Variants in RPS6KA5 observed in about 807,000 individuals in gnomAD.
The protein encoded by RPS6KA5 is ribosomal protein S6 kinase alpha-5.
In RPS6KA5, 27 loss-of-function variants were observed where a neutral mutation model predicts 85.5. The observed-to-expected ratio is 0.32, with a 90% CI of 0.23 to 0.44. RPS6KA5 has a LOEUF of 0.44. Ranked by LOEUF, RPS6KA5 falls within the 20% of genes least tolerant of loss-of-function variation. The pLI is 1.00. For missense variants in RPS6KA5, 811 were observed against 980.9 expected (o/e 0.83, Z 2.31); for synonymous variants, 334 against 348.2 (o/e 0.96, Z 0.46).
chr14:90,859,578 T>A lies in RPS6KA5; in HGVS notation c.*12496A>T, dbSNP rs540832603. The A allele has an allele frequency of 1.9e-4, 29 of 152,244 alleles. No individual in the cohort carries two copies. Among genetic ancestry groups the A allele is most frequent in the Admixed American group, 5.2e-4 (8 of 15,288 alleles). The allele number at this position is 152,244 out of a possible 1,614,324, so 9.4% of individuals were successfully genotyped here. On this transcript the variant is annotated 3_prime_UTR_variant, in exon 17 of 17. Coordinates refer to ENST00000614987, the MANE Select transcript of RPS6KA5 (RefSeq NM_004755.4). ...CAACTAAATTTAAAATTGATTAGGC[T>A]CAGCAGAACAGGATAAGTTAATTAG...
chr14:90,906,819 C>T (rs1390309208), intron 7 of RPS6KA5, among the ~76,000 whole-genome samples: 1 of 151,976 alleles, frequency 6.6e-6, no homozygotes, highest in African/African-American at 2.4e-5. Flanking sequence ...TGGGGTCAGA[C>T]CCACTTGGAG....
chr14:90,890,854 A>G (rs889376710), intron 13 of RPS6KA5, among the ~76,000 whole-genome samples, 176 bp from the exon 14 acceptor site: 1 of 151,962 alleles, frequency 6.6e-6, no homozygotes, highest in African/African-American at 2.4e-5. Context: ...GCTTTTTGGT[A>G]TTATTTCAAT....
At chr14:90,926,934 C>T (rs2036707303) in intron 5 of RPS6KA5, among the ~76,000 whole-genome samples, 2 of 152,000 alleles carry the variant, frequency 1.3e-5, no homozygotes, top group African/African-American at 4.8e-5. Flanking sequence ...TAAATATAAA[C>T]AAGCACTGAA....
rs376535030 is a variant in RPS6KA5, at chr14:91,044,559, C to T, written c.103+15773G>A. Among the ~76,000 whole-genome samples, 7 of 152,178 alleles carry T rather than the reference C, an allele frequency of 4.6e-5. No individual in the cohort carries two copies. The South Asian group carries it at 1.5e-3, about 32-fold the overall frequency. On this transcript the variant is annotated intron_variant, in intron 1 of 16. Transcript: ENST00000614987. ...AAGTTAAAGTATGGAAAGGATTTGA[C>T]ACACTTTTACTGGATTAAAGATTGA...
chr14:90,927,705 T>C (rs767597220), intron 5 of RPS6KA5, among the ~76,000 whole-genome samples: 4 of 151,978 alleles, frequency 2.6e-5, no homozygotes, highest in Non-Finnish European at 5.9e-5. Context: ...TAAAAATATA[T>C]AAAATAAAAA....
At chr14:91,043,613 G>A (rs985630696) in intron 1 of RPS6KA5, among the ~76,000 whole-genome samples, 3 of 152,000 alleles carry the variant, frequency 2.0e-5, no homozygotes, top group African/African-American at 7.3e-5. Flanking sequence ...ATGAGTTGAT[G>A]AAAGCACCTA....
chr14:90,912,459 T>C (rs969241256), intron 7 of RPS6KA5, among the ~76,000 whole-genome samples: 4 of 152,174 alleles, frequency 2.6e-5, no homozygotes, highest in Non-Finnish European at 4.4e-5. Context: ...CACAGTAGCA[T>C]TGAGTCCCAG....
At chr14:91,011,679 C>T (rs1049059008) in intron 1 of RPS6KA5, among the ~76,000 whole-genome samples, 1 of 152,118 alleles carries the variant, frequency 6.6e-6, no homozygotes, top group Admixed American at 6.6e-5. Flanking sequence ...CCATTCTCAC[C>T]ATGGAAAGGT....
chr14:91,048,269 T>C (rs567532470), intron 1 of RPS6KA5, among the ~76,000 whole-genome samples: 24 of 152,348 alleles, frequency 1.6e-4, no homozygotes, highest in Middle Eastern at 3.4e-3. Flanking sequence ...GATATAATTA[T>C]TTTAAGTACC....
At chr14:90,908,921 C>A (rs1247572005) in intron 7 of RPS6KA5, among the ~76,000 whole-genome samples, 2 of 152,200 alleles carry the variant, frequency 1.3e-5, no homozygotes, top group Non-Finnish European at 2.9e-5. Context: ...CCCTTATTTT[C>A]ATCACCAATG....
chr14:90,891,264 C>T lies in RPS6KA5; in HGVS notation c.1645-586G>A, dbSNP rs548017282. Among the ~76,000 whole-genome samples, 6 of 150,544 alleles carry T rather than the reference C, an allele frequency of 4.0e-5. No homozygotes were observed. The South Asian group carries it at 1.3e-3, about 32-fold the overall frequency. ...TTGAACAAAGTCATAAATAAAATAGCTATATAATATCTAGTATTGCCTATT... is the reference window on the plus strand; with the variant it reads ...TTGAACAAAGTCATAAATAAAATAGTTATATAATATCTAGTATTGCCTATT... On this transcript the variant is annotated intron_variant, in intron 13 of 16. Coordinates refer to ENST00000614987, the MANE Select transcript of RPS6KA5 (RefSeq NM_004755.4).
At chr14:91,057,986 G>T (rs2043393056) in intron 1 of RPS6KA5, among the ~76,000 whole-genome samples, 1 of 152,078 alleles carries the variant, frequency 6.6e-6, no homozygotes, top group Admixed American at 6.6e-5. Context: ...TCATCCTATG[G>T]AATACAATAA....
chr14:90,875,408 A>C (rs758089232), intron 14 of RPS6KA5, 48 bp from the exon 15 acceptor site: 1 of 1,531,810 alleles, frequency 6.5e-7, no homozygotes, highest in South Asian at 1.2e-5. Context: ...AGATCTGTTA[A>C]AGCCACTCTA....
intron 7 of RPS6KA5, among the ~76,000 whole-genome samples, chr14:90,912,929 T>TTTTG (rs2035907839): frequency 7.0e-6 from 1 of 143,286 alleles, no homozygotes; most frequent in African/African-American, 2.8e-5. Context: ...TTTTTTTTTT[T>TTTTG]GGGTGGAGTC....
intron 6 of RPS6KA5, among the ~76,000 whole-genome samples, chr14:90,921,976 G>C (rs2036422203): frequency 6.6e-6 from 1 of 152,118 alleles, no homozygotes. Context: ...TAATTACTTA[G>C]AAAGTTTCTT....
At chr14:90,882,941 G>A (rs1377825550) in intron 14 of RPS6KA5, among the ~76,000 whole-genome samples, 2 of 152,028 alleles carry the variant, frequency 1.3e-5, no homozygotes, top group African/African-American at 4.8e-5. Context: ...GGGATTATAG[G>A]TGTGTGCCAC....
At chr14:90,962,310 T>G (rs1380243358) in intron 3 of RPS6KA5, among the ~76,000 whole-genome samples, 3 of 6,158 alleles carry the variant, frequency 4.9e-4, no homozygotes, top group African/African-American at 2.0e-3. Context: ...CTTGGCACAG[T>G]TTTTTTTTTT....
At chr14:90,875,082 C>G in intron 15 of RPS6KA5, 119 bp downstream of exon 15, 1 of 955,246 alleles carries the variant, frequency 1.0e-6, no homozygotes, top group Non-Finnish European at 1.6e-6. Context: ...AGCCTGGAAG[C>G]CTTTTAGAAT....
chr14:91,017,010 G>C (rs141997605), intron 1 of RPS6KA5, among the ~76,000 whole-genome samples: 2 of 152,230 alleles, frequency 1.3e-5, no homozygotes, highest in African/African-American at 4.8e-5. Flanking sequence ...TTTCCCACCT[G>C]TCATCCTATC....
Sources: allele counts gnomAD v4.1 joint callset (sites outside exome capture counted in the v4.1 genomes callset), GRCh38; gene constraint gnomAD v4.1.1; transcripts MANE v1.5; gene names NCBI Gene and HGNC (gene_info 2026-07-23, HGNC 2026-07-21).